DACH1: variants seen among roughly 807,000 people sequenced by gnomAD.
DACH1 encodes dachshund family transcription factor 1.
A neutral mutation model predicts 54.2 loss-of-function variants in DACH1; 12 were observed. The observed-to-expected ratio is 0.22, with a 90% CI of 0.14 to 0.36. DACH1 has a LOEUF of 0.36. Among genes scored for constraint, DACH1 ranks in the 10% least tolerant of loss-of-function variants. The pLI, the probability that DACH1 is intolerant of heterozygous loss-of-function variation, is 1.00. For missense variants in DACH1, 805 were observed against 929.8 expected (o/e 0.87, Z 1.75); for synonymous variants, 386 against 366.2 (o/e 1.05, Z -0.62).
At chr13:71,609,488 C>CA (rs1646775891) in intron 3 of DACH1, among the ~76,000 whole-genome samples, 1 of 152,088 alleles carries the variant, frequency 6.6e-6, no homozygotes, top group South Asian at 2.1e-4. Flanking sequence ...AAATATTAGT[C>CA]ATTTGTTTTA....
At chr13:71,758,292 T>C (rs756974793) in intron 1 of DACH1, among the ~76,000 whole-genome samples, 13 of 152,196 alleles carry the variant, frequency 8.5e-5, no homozygotes, top group Non-Finnish European at 1.6e-4. Context: ...TAGATTTTTA[T>C]GTAAAAGACT....
chr13:71,440,458 T>C lies in DACH1; in HGVS notation c.*197A>G, dbSNP rs1873912557. ...ACATTTACAAACATTCTCAGGTCTC[T>C]GGTATGAACCACAGGTGAAAATCAA... On this transcript the variant is annotated 3_prime_UTR_variant, in exon 11 of 11. Coordinates refer to ENST00000613252, the MANE Select transcript of DACH1 (RefSeq NM_080759.6). The C allele has an allele frequency of 2.0e-6, 1 of 508,112 alleles. No homozygotes were observed. Among genetic ancestry groups the C allele is most frequent in the East Asian group, 3.6e-5 (1 of 27,632 alleles). 31.5% of individuals were successfully genotyped at this position (508,112 alleles called of 1,614,324 possible).
At chr13:71,572,560 A>C (rs1885277984) in intron 4 of DACH1, among the ~76,000 whole-genome samples, 1 of 152,142 alleles carries the variant, frequency 6.6e-6, no homozygotes. Flanking sequence ...ACACGCATAC[A>C]CACAACTACC....
At chr13:71,718,550 C>T (rs1287000803) in intron 1 of DACH1, among the ~76,000 whole-genome samples, 3 of 144,896 alleles carry the variant, frequency 2.1e-5, no homozygotes, top group Admixed American at 1.4e-4. Flanking sequence ...CACACCATCC[C>T]GGATGACAGA....
chr13:71,504,545 C>A (rs576223770), intron 6 of DACH1, among the ~76,000 whole-genome samples: 49 of 152,136 alleles, frequency 3.2e-4, no homozygotes, highest in African/African-American at 1.1e-3. Context: ...TGGATGAGAT[C>A]GCTAAGGGGA....
chr13:71,499,644 A>T (rs1329563324), intron 6 of DACH1, among the ~76,000 whole-genome samples: 2 of 152,174 alleles, frequency 1.3e-5, no homozygotes, highest in Non-Finnish European at 2.9e-5. Context: ...TTTTTTCAGA[A>T]CTCAGAAATA....
rs34800453 is a variant in DACH1, at chr13:71,692,010, TACACACACACACACACACACACAC to T, written c.849-10124_849-10101del. Reference sequence around the variant, plus strand: ...CAGCCATAGAGGCATAGCCCCCCATTACACACACACACACACACACACACACACACACACACAGACACACACATA... The same window carrying T: ...CAGCCATAGAGGCATAGCCCCCCATTACACACACACACAGACACACACATA... On this transcript the variant is annotated intron_variant, in intron 1 of 10. Transcript: ENST00000613252. 1.3e-4 allele frequency among the ~76,000 whole-genome samples: 18 copies of T among 140,122 alleles called. No homozygotes were observed. In the South Asian group the frequency reaches 4.1e-3, roughly 32 times the overall value. The allele number at this position is 140,122 out of a possible 152,430, so 91.9% of individuals were successfully genotyped here. A position where few individuals can be genotyped will look rare whatever the true frequency, so the allele number is the denominator to read the frequency against.
At chr13:71,450,942 A>C (rs565172875) in intron 10 of DACH1, among the ~76,000 whole-genome samples, 8 of 152,262 alleles carry the variant, frequency 5.3e-5, no homozygotes, top group African/African-American at 1.9e-4. Context: ...AATGGGGTCG[A>C]AATCTGCATC....
Position 71,532,936 on chromosome 13 carries a change from T to G in DACH1, c.1570+24088A>C, listed in dbSNP as rs965102248. ...TGATAAGAATATATTTTTCTAATTATGGGATACATTATACTGAGAAAAGTT... is the reference window on the plus strand; with the variant it reads ...TGATAAGAATATATTTTTCTAATTAGGGGATACATTATACTGAGAAAAGTT... On this transcript the variant is annotated intron_variant, in intron 6 of 10. Coordinates refer to ENST00000613252, the MANE Select transcript of DACH1 (RefSeq NM_080759.6). 1.4e-4 allele frequency among the ~76,000 whole-genome samples: 21 copies of G among 152,086 alleles called. No homozygotes were observed. In the Middle Eastern group the frequency reaches 0.01, roughly 74 times the overall value.
At chr13:71,766,879 GTT>G in intron 1 of DACH1, among the ~76,000 whole-genome samples, 1 of 150,608 alleles carries the variant, frequency 6.6e-6, no homozygotes, top group African/African-American at 2.4e-5. Context: ...GGCCAAAAAA[GTT>G]TTTTTCCCCC....
chr13:71,657,900 GTCCCTGAATT>G (rs1445143950), intron 2 of DACH1, among the ~76,000 whole-genome samples: 1 of 151,986 alleles, frequency 6.6e-6, no homozygotes, highest in Non-Finnish European at 1.5e-5. Flanking sequence ...GAGCCACCGT[GTCCCTGAATT>G]TACTTTCAAA....
intron 4 of DACH1, among the ~76,000 whole-genome samples, chr13:71,566,430 C>A (rs927859017): frequency 6.6e-6 from 1 of 152,132 alleles, no homozygotes; most frequent in Non-Finnish European, 1.5e-5. Flanking sequence ...TAATTTCCTA[C>A]ACACTTATTT....
intron 2 of DACH1, among the ~76,000 whole-genome samples, chr13:71,640,330 T>C (rs11619301): frequency 0.036 from 5,516 of 152,078 alleles, 149 homozygotes; most frequent in Non-Finnish European, 0.057. Flanking sequence ...TTCAGTTTTA[T>C]AGAATTTAGA....
intron 7 of DACH1, among the ~76,000 whole-genome samples, 198 bp from the exon 8 acceptor site, chr13:71,479,514 A>G (rs1566284633): frequency 6.6e-6 from 1 of 152,180 alleles, no homozygotes; most frequent in Non-Finnish European, 1.5e-5. Context: ...TCGGAAGACA[A>G]ATATTTATGG....
intron 7 of DACH1, among the ~76,000 whole-genome samples, chr13:71,487,094 A>G (rs568512427): frequency 6.6e-6 from 1 of 151,910 alleles, no homozygotes; most frequent in South Asian, 2.1e-4. Context: ...CAGGTGATCC[A>G]CCTGCCTTGG....
At chr13:71,730,914 T>C (rs1883711692) in intron 1 of DACH1, among the ~76,000 whole-genome samples, 4 of 152,122 alleles carry the variant, frequency 2.6e-5, no homozygotes. Context: ...TGTAGTTGTG[T>C]CCTTTTGAGA....
In DACH1 at chr13:71,553,677, T is replaced by C. The variant is rs952379060; in HGVS notation, c.1570+3347A>G. On this transcript the variant is annotated intron_variant, in intron 6 of 10. Transcript: ENST00000613252. The stretch of plus-strand genomic sequence containing the variant: ...GTATATATATATATATATGCATATA[T>C]ATATGCCTTAATTATACTCTCCCTA... Among the ~76,000 whole-genome samples the C allele has an allele frequency of 3.4e-5, 5 of 147,226 alleles. No individual in the cohort carries two copies. The East Asian group carries it at 9.8e-4, about 29-fold the overall frequency.
Position 71,559,776 on chromosome 13 carries a change from C to G in DACH1, c.1435+44G>C, listed in dbSNP as rs9572756. The stretch of plus-strand genomic sequence containing the variant: ...GTTGATTAGAAAATCCAGCTGAACC[C>G]TAATAAAGTTTAAAATGGTGACAAG... On this transcript the variant is annotated intron_variant, in intron 5 of 10. Transcript: ENST00000613252. 222 of 1,612,372 alleles carry G rather than the reference C, an allele frequency of 1.4e-4. 1 individual carries two copies. The African/African-American group carries it at 2.8e-3, about 20-fold the overall frequency.
At chr13:71,715,034 A>G (rs1360981193) in intron 1 of DACH1, among the ~76,000 whole-genome samples, 1 of 152,120 alleles carries the variant, frequency 6.6e-6, no homozygotes, top group Non-Finnish European at 1.5e-5. Context: ...TTTAAATTCC[A>G]ACAACCGTTT....
Sources: allele counts gnomAD v4.1 joint callset (sites outside exome capture counted in the v4.1 genomes callset), GRCh38; gene constraint gnomAD v4.1.1; transcripts MANE v1.5; gene names NCBI Gene and HGNC (gene_info 2026-07-23, HGNC 2026-07-21).